Variants in PRSS23 observed in about 807,000 individuals in gnomAD.
PRSS23 encodes protease, serine 23.
In PRSS23, 25 loss-of-function variants were observed where a neutral mutation model predicts 34.7. The observed-to-expected ratio is 0.72, with a 90% CI of 0.53 to 1.01. The LOEUF (loss-of-function observed/expected upper bound fraction) is 1.01, where lower values mean the gene tolerates loss of function less well. PRSS23 is among the 50% of genes least tolerant of loss of function. The probability of loss-of-function intolerance (pLI) is 0.00; values close to 1 mark genes in which losing one functional copy is unlikely to be tolerated. For missense variants in PRSS23, 445 were observed against 475.6 expected (o/e 0.94, Z 0.60); for synonymous variants, 176 against 186.6 (o/e 0.94, Z 0.46).
chr11:86,800,611 C>A lies in PRSS23; in HGVS notation c.-54C>A. 2.0e-6 allele frequency: 2 copies of A among 985,102 alleles called. No individual in the cohort carries two copies. The highest frequency in any genetic ancestry group is 2.4e-6 in the Non-Finnish European group (2 of 829,840). The allele number at this position is 985,102 out of a possible 1,614,324, so 61.0% of individuals were successfully genotyped here. The stretch of plus-strand genomic sequence containing the variant: ...CTCCCGGCGCCCACACCTGTCTGAG[C>A]GGCGCAGCGAGCCGCGGCCCGGGCG... On this transcript the variant is annotated 5_prime_UTR_variant, in exon 1 of 2. Transcript: ENST00000280258.
At chr11:86,901,161 G>A (rs1488943908) in intron 2 of PRSS23, among the ~76,000 whole-genome samples, 1 of 152,046 alleles carries the variant, frequency 6.6e-6, no homozygotes, top group Non-Finnish European at 1.5e-5. Flanking sequence ...ATTCATAACA[G>A]CCTAGTCTTT....
rs560364226 is a variant in PRSS23 at position 86,845,493 on chromosome 11, T to C, written c.206+21900T>C. Reference sequence around the variant, plus strand: ...AATAGGTTTAATCACTGCTCACTTCTGTTGGATCAACAAGAAATCAACTCA... The same window carrying C: ...AATAGGTTTAATCACTGCTCACTTCCGTTGGATCAACAAGAAATCAACTCA... On this transcript the variant is annotated intron_variant, in intron 2 of 2. Transcript: ENST00000533902. Among the ~76,000 whole-genome samples, 3 of 152,326 alleles carry C rather than the reference T, an allele frequency of 2.0e-5. 1 individual carries two copies. The highest frequency in any genetic ancestry group is 7.2e-5 in the African/African-American group (3 of 41,588).
intron 2 of PRSS23, among the ~76,000 whole-genome samples, chr11:86,905,132 G>C (rs1948934061): frequency 6.6e-6 from 1 of 152,132 alleles, no homozygotes; most frequent in Admixed American, 6.5e-5. Flanking sequence ...ACCCTATCAG[G>C]TAACATGTCA....
intron 2 of PRSS23, among the ~76,000 whole-genome samples, chr11:86,885,132 T>C (rs1948794236): frequency 6.6e-6 from 1 of 152,220 alleles, no homozygotes; most frequent in Admixed American, 6.5e-5. Flanking sequence ...TATTCGGTGA[T>C]TAAATCTCCA....
intron 2 of PRSS23, among the ~76,000 whole-genome samples, chr11:86,830,363 G>C (rs981171519): frequency 6.6e-6 from 1 of 152,120 alleles, no homozygotes; most frequent in African/African-American, 2.4e-5. Context: ...TATTAGGGTG[G>C]GAGTGACCCG....
intron 2 of PRSS23, among the ~76,000 whole-genome samples, chr11:86,870,529 T>C (rs1400772171): frequency 6.6e-6 from 1 of 152,246 alleles, no homozygotes; most frequent in African/African-American, 2.4e-5. Flanking sequence ...TCTGCTTAGA[T>C]GGTAACATTT....
intron 2 of PRSS23, chr11:86,922,236 A>G (rs1949051443): frequency 6.6e-6 from 1 of 152,236 alleles, no homozygotes. Context: ...AATACTGACC[A>G]AGTTAAACAT....
intron 2 of PRSS23, chr11:86,909,397 C>T (rs1948963406): frequency 6.6e-6 from 1 of 152,282 alleles, no homozygotes. Flanking sequence ...TGTGAGCCAC[C>T]TTGGAGTGGT....
In PRSS23 at chr11:86,809,475, G is replaced by A. The variant is rs560188443; in HGVS notation, c.*680G>A. 194 of 167,132 alleles carry A rather than the reference G, an allele frequency of 1.2e-3. 2 individuals carry two copies. The highest frequency in any genetic ancestry group is 4.5e-3 in the African/African-American group (188 of 41,540). The allele number at this position is 167,132 out of a possible 1,614,324, so 10.4% of individuals were successfully genotyped here. A position where few individuals can be genotyped will look rare whatever the true frequency, so the allele number is the denominator to read the frequency against. ...AATAGTTTCTTTTCCAAAGGTTGTT[G>A]CTCTACTTTGTAGGAAGTCTTTGCA... On this transcript the variant is annotated 3_prime_UTR_variant, in exon 2 of 2. Transcript: ENST00000280258.
intron 2 of PRSS23, among the ~76,000 whole-genome samples, chr11:86,920,920 C>T (rs758261172): frequency 3.3e-5 from 5 of 152,110 alleles, no homozygotes; most frequent in Non-Finnish European, 7.4e-5. Flanking sequence ...ATTCCATGGC[C>T]TTACTTTCCC....
chr11:86,917,348 C>G (rs887176021), intron 2 of PRSS23, among the ~76,000 whole-genome samples: 8 of 152,132 alleles, frequency 5.3e-5, no homozygotes, highest in Admixed American at 5.2e-4. Flanking sequence ...GATCGTGGGC[C>G]TCTGGTGTAA....
chr11:86,801,622 A>G (rs1948039583), intron 1 of PRSS23, among the ~76,000 whole-genome samples: 1 of 152,242 alleles, frequency 6.6e-6, no homozygotes, highest in Non-Finnish European at 1.5e-5. Flanking sequence ...TTGAATTTAT[A>G]GATGAGGTCA....
At chr11:86,796,190 C>G (rs944013884), upstream of PRSS23, among the ~76,000 whole-genome samples, 1 of 152,166 alleles carries the variant, frequency 6.6e-6, no homozygotes, top group African/African-American at 2.4e-5. Context: ...CAATATAACA[C>G]AATGGAATCC....
chr11:86,924,097 A>T (rs922722768), intron 2 of PRSS23, among the ~76,000 whole-genome samples: 2 of 152,178 alleles, frequency 1.3e-5, no homozygotes, highest in African/African-American at 4.8e-5. Context: ...TAAGATCGAG[A>T]GCCGGAAAAC....
intron 2 of PRSS23, among the ~76,000 whole-genome samples, chr11:86,902,005 G>A (rs937741888): frequency 6.6e-6 from 1 of 152,116 alleles, no homozygotes; most frequent in Admixed American, 6.6e-5. Context: ...TAGAAACTGG[G>A]TGTTGCTCAT....
chr11:86,913,937 G>A (rs540804843), intron 2 of PRSS23, among the ~76,000 whole-genome samples: 92 of 149,808 alleles, frequency 6.1e-4, no homozygotes, highest in Middle Eastern at 3.4e-3. Flanking sequence ...AGACCCGGTA[G>A]CTTATGCCTG....
chr11:86,849,893 AACTGAAG>A (rs1437348574), intron 2 of PRSS23, among the ~76,000 whole-genome samples: 1 of 152,124 alleles, frequency 6.6e-6, no homozygotes, highest in African/African-American at 2.4e-5. Context: ...AGTCCTCCAA[AACTGAAG>A]AGCCCTAGAC....
exon 3 of PRSS23, chr11:86,952,638 G>C (rs540191802): frequency 5.4e-5 from 35 of 653,658 alleles, no homozygotes; most frequent in South Asian, 4.3e-4. Flanking sequence ...AAGGGCGCCT[G>C]ATAATCCATC....
chr11:86,856,878 A>G (rs1020740609), intron 2 of PRSS23, among the ~76,000 whole-genome samples: 4 of 152,240 alleles, frequency 2.6e-5, no homozygotes, highest in African/African-American at 9.6e-5. Context: ...TAAACAAAGG[A>G]TCCCAGAATA....
Sources: gnomAD v4.1 joint callset for allele counts (sites outside exome capture counted in the v4.1 genomes callset) on GRCh38, gnomAD v4.1.1 for gene constraint, MANE v1.5 for transcripts, NCBI Gene and HGNC (gene_info 2026-07-23, HGNC 2026-07-21) for gene names.